MBP: variants seen among roughly 807,000 people sequenced by gnomAD.
MBP encodes the protein Golli-MBP.
Under a neutral mutation model 35.8 loss-of-function variants are expected in MBP, and 16 were observed. The ratio of observed to expected loss-of-function variants is 0.45; its 90% CI spans 0.30 to 0.68. The LOEUF (loss-of-function observed/expected upper bound fraction) is 0.68, where lower values mean the gene tolerates loss of function less well. Ranked by LOEUF, MBP falls within the 30% of genes least tolerant of loss-of-function variation. The pLI is 0.08. For missense variants in MBP, 380 were observed against 404.7 expected, an observed-to-expected ratio of 0.94 and a Z score of 0.52; for synonymous variants, 143 against 159.6, an observed-to-expected ratio of 0.90 and a Z score of 0.78.
At chr18:77,090,669 C>T (rs1188170695) in intron 2 of MBP, among the ~76,000 whole-genome samples, 2 of 152,194 alleles carry the variant, frequency 1.3e-5, no homozygotes, top group African/African-American at 4.8e-5. Context: ...ACTTTGGACA[C>T]GTCTATCCTC....
chr18:77,084,420 GCCA>G (rs1333228015), intron 2 of MBP, among the ~76,000 whole-genome samples: 1 of 29,328 alleles, frequency 3.4e-5, no homozygotes. Context: ...CGCCCCCCCC[GCCA>G]CACCACACCA....
At chr18:77,019,370 G>A (rs1280516360) in intron 3 of MBP, among the ~76,000 whole-genome samples, 1 of 152,194 alleles carries the variant, frequency 6.6e-6, no homozygotes, top group East Asian at 1.9e-4. Context: ...TGGTGTCCTT[G>A]TAAGAAGAGA....
intron 7 of MBP, chr18:76,985,688 T>C: frequency 9.6e-7 from 1 of 1,038,368 alleles, no homozygotes; most frequent in Non-Finnish European, 1.2e-6. Flanking sequence ...CCCAGTCCCC[T>C]AGCACCTTTC....
At chr18:77,052,839 G>T (rs1973551924) in intron 3 of MBP, among the ~76,000 whole-genome samples, 1 of 152,100 alleles carries the variant, frequency 6.6e-6, no homozygotes, top group Non-Finnish European at 1.5e-5. Context: ...TCTCCACTCA[G>T]CAGGGGCCCC....
chr18:77,048,549 A>C (rs906227484), intron 3 of MBP, among the ~76,000 whole-genome samples: 3 of 72,736 alleles, frequency 4.1e-5, no homozygotes, highest in African/African-American at 1.8e-4. Context: ...GCTCACTGCA[A>C]CCTCCGCCTC....
In MBP at chr18:76,980,274, G is replaced by A. The variant is rs1278267919; in HGVS notation, c.*153C>T. ...ACTGTTGGCCGGAAATTGCCGGTAG[G>A]CTGCCGTGGCCTGACCCTACTACGT... On this transcript the variant is annotated 3_prime_UTR_variant, in exon 9 of 9. Coordinates refer to ENST00000355994, the MANE Select transcript of MBP (RefSeq NM_001025101.2). 1.3e-6 allele frequency: 1 copy of A among 758,792 alleles called. No individual in the cohort carries two copies. The highest frequency in any genetic ancestry group is 2.4e-6 in the Non-Finnish European group (1 of 416,548). The allele number at this position is 758,792 out of a possible 1,614,324, so 47.0% of individuals were successfully genotyped here. A position where few individuals can be genotyped will look rare whatever the true frequency, so the allele number is the denominator to read the frequency against.
At chr18:77,025,177 T>C (rs919583676) in intron 3 of MBP, among the ~76,000 whole-genome samples, 3 of 152,230 alleles carry the variant, frequency 2.0e-5, no homozygotes, top group African/African-American at 7.2e-5. Flanking sequence ...ACGCAGGCGA[T>C]CCCCCACCTC....
At chr18:77,007,257 C>T (rs529272036) in intron 4 of MBP, among the ~76,000 whole-genome samples, 9 of 152,328 alleles carry the variant, frequency 5.9e-5, no homozygotes, top group East Asian at 3.9e-4. Context: ...CCCAAAGTAC[C>T]GGAGGAAGGC....
intron 3 of MBP, among the ~76,000 whole-genome samples, chr18:77,039,177 T>C (rs1972887084): frequency 6.6e-6 from 1 of 152,226 alleles, no homozygotes. Flanking sequence ...AAGCAGAGGC[T>C]CCACAGAGAC....
Position 77,007,480 on chromosome 18 carries a change from G to C in MBP, c.576+9352C>G, listed in dbSNP as rs1225546392. ...TCGCCGGCCCCTGCTCAGGGGGCTG[G>C]AGGGAGAAGTTGAGGCCTCTAGCAC... On this transcript the variant is annotated intron_variant, in intron 4 of 8. Transcript: ENST00000355994. 2.0e-5 allele frequency among the ~76,000 whole-genome samples: 3 copies of C among 152,202 alleles called. 1 individual carries two copies.
intron 3 of MBP, among the ~76,000 whole-genome samples, chr18:77,033,288 C>A (rs1321479949): frequency 6.6e-6 from 1 of 152,052 alleles, no homozygotes; most frequent in Non-Finnish European, 1.5e-5. Context: ...GACTTTGATT[C>A]TTGGTTCTAT....
intron 3 of MBP, among the ~76,000 whole-genome samples, chr18:77,039,457 T>C (rs755763265): frequency 2.6e-5 from 4 of 152,204 alleles, no homozygotes; most frequent in Non-Finnish European, 5.9e-5. Flanking sequence ...AGTTAAAGTA[T>C]GCATTTGGTT....
intron 1 of MBP, chr18:77,114,257 G>C (rs1410433933): frequency 6.6e-6 from 1 of 152,228 alleles, no homozygotes; most frequent in Admixed American, 6.5e-5. Flanking sequence ...CGAGATTGCA[G>C]AAAAGTGGAG....
intron 3 of MBP, among the ~76,000 whole-genome samples, chr18:77,042,900 A>T (rs1047575294): frequency 3.3e-5 from 5 of 152,268 alleles, no homozygotes; most frequent in African/African-American, 9.6e-5. Flanking sequence ...TCAGGCAAGA[A>T]CATGATTTTC....
At chr18:77,054,968 T>G (rs1973664062) in intron 3 of MBP, among the ~76,000 whole-genome samples, 1 of 152,194 alleles carries the variant, frequency 6.6e-6, no homozygotes, top group African/African-American at 2.4e-5. Context: ...GGGACTTGCA[T>G]GCACGCACAC....
At chr18:77,094,429 A>G (rs1411895480) in intron 2 of MBP, among the ~76,000 whole-genome samples, 2 of 152,240 alleles carry the variant, frequency 1.3e-5, no homozygotes, top group Non-Finnish European at 2.9e-5. Context: ...TCCGTTGCTC[A>G]TAAGTGCCGG....
At chr18:77,058,268 C>G (rs9954479) in intron 3 of MBP, among the ~76,000 whole-genome samples, 14,888 of 152,166 alleles carry the variant, frequency 0.098, 980 homozygotes, top group African/African-American at 0.18. Flanking sequence ...CGAGCGCTCC[C>G]AGGCTGGGTC....
At chr18:77,084,008 TG>T (rs1307556763) in intron 2 of MBP, among the ~76,000 whole-genome samples, 1 of 16,276 alleles carries the variant, frequency 6.1e-5, no homozygotes, top group Non-Finnish European at 1.4e-4. Context: ...TCAATAAAGC[TG>T]TTTTTTTTTT....
chr18:77,024,999 T>A (rs1972146773), intron 3 of MBP, among the ~76,000 whole-genome samples: 1 of 152,162 alleles, frequency 6.6e-6, no homozygotes, highest in Non-Finnish European at 1.5e-5. Context: ...CTGAGCAGAT[T>A]GCAGGAGTTT....
Sources: allele counts gnomAD v4.1 joint callset (sites outside exome capture counted in the v4.1 genomes callset), GRCh38; gene constraint gnomAD v4.1.1; transcripts MANE v1.5; gene names NCBI Gene and HGNC (gene_info 2026-07-23, HGNC 2026-07-21).